LRFN5: variants seen among roughly 807,000 people sequenced by gnomAD.
LRFN5 encodes the protein leucine-rich repeat and fibronectin type-III domain-containing protein 5.
Under a neutral mutation model 45.6 loss-of-function variants are expected in LRFN5, and 24 were observed. The observed-to-expected ratio is 0.53, with a 90% confidence interval of 0.38 to 0.74. LRFN5 has a LOEUF of 0.74. LRFN5 is among the 30% of genes least tolerant of loss of function. LRFN5 has a pLI of 0.00. For missense variants in LRFN5, 776 were observed against 861.5 expected (o/e 0.90, Z 1.24); for synonymous variants, 340 against 313.8 (o/e 1.08, Z -0.88).
chr14:41,751,678 T>A (rs1462077231), intron 1 of LRFN5, among the ~76,000 whole-genome samples: 1 of 152,104 alleles, frequency 6.6e-6, no homozygotes, highest in East Asian at 1.9e-4. Flanking sequence ...CTTAAGTATC[T>A]TACTAAAGGC....
intron 1 of LRFN5, among the ~76,000 whole-genome samples, chr14:41,750,012 A>G (rs1885064337): frequency 6.6e-6 from 1 of 152,094 alleles, no homozygotes; most frequent in Non-Finnish European, 1.5e-5. Context: ...TGTCTCTCTA[A>G]CTTTCTTTTC....
At chr14:41,762,393 G>A (rs1349825259) in intron 1 of LRFN5, among the ~76,000 whole-genome samples, 1 of 152,092 alleles carries the variant, frequency 6.6e-6, no homozygotes, top group Non-Finnish European at 1.5e-5. Flanking sequence ...TTTGTCATAT[G>A]ATCTTGGATG....
At position 41,630,008 on chromosome 14, in the gene LRFN5, A is replaced by T. The variant is rs536929412; in HGVS notation, c.-197+21446A>T. On this transcript the variant is annotated intron_variant, in intron 1 of 5. Coordinates refer to ENST00000298119, the MANE Select transcript of LRFN5 (RefSeq NM_152447.5). Reference sequence around the variant, plus strand: ...ACTGATATCTTTGAGTATGGGATATATTTAGCTTCTTTCAATTTTTTTATC... The same window carrying T: ...ACTGATATCTTTGAGTATGGGATATTTTTAGCTTCTTTCAATTTTTTTATC... Among the ~76,000 whole-genome samples the T allele has an allele frequency of 1.2e-3, 183 of 152,200 alleles. 1 individual carries two copies. Among genetic ancestry groups the T allele is most frequent in the African/African-American group, 3.2e-3 (135 of 41,544 alleles).
At chr14:41,869,383 C>T (rs1407364978) in intron 2 of LRFN5, among the ~76,000 whole-genome samples, 1 of 151,622 alleles carries the variant, frequency 6.6e-6, no homozygotes, top group African/African-American at 2.4e-5. Context: ...TCTTACGTTT[C>T]CTAAATGTCA....
At chr14:41,728,845 G>T (rs902280975) in intron 1 of LRFN5, among the ~76,000 whole-genome samples, 1 of 152,114 alleles carries the variant, frequency 6.6e-6, no homozygotes, top group Non-Finnish European at 1.5e-5. Flanking sequence ...TAATTTTAAT[G>T]GCTCCATCAA....
intron 2 of LRFN5, among the ~76,000 whole-genome samples, chr14:41,815,806 G>A (rs1195114019): frequency 6.6e-6 from 1 of 151,970 alleles, no homozygotes; most frequent in Admixed American, 6.6e-5. Context: ...ATGTCTTGTA[G>A]ACAACACGTA....
chr14:41,779,765 C>T (rs73316922), intron 2 of LRFN5, among the ~76,000 whole-genome samples: 1 of 151,820 alleles, frequency 6.6e-6, no homozygotes. Flanking sequence ...TAGAGTTATT[C>T]ATAATATTAC....
intron 1 of LRFN5, among the ~76,000 whole-genome samples, chr14:41,766,209 T>C (rs1206698492): frequency 6.6e-6 from 1 of 152,172 alleles, no homozygotes; most frequent in African/African-American, 2.4e-5. Flanking sequence ...AGTAATCTTA[T>C]AGGAAAGAAA....
intron 2 of LRFN5, among the ~76,000 whole-genome samples, chr14:41,882,475 C>G (rs1890414309): frequency 6.6e-6 from 1 of 152,134 alleles, no homozygotes. Flanking sequence ...CCCATTCTTT[C>G]CAAGCTGAAA....
At chr14:41,649,227 T>C (rs1367220729) in intron 1 of LRFN5, among the ~76,000 whole-genome samples, 3 of 151,248 alleles carry the variant, frequency 2.0e-5, no homozygotes, top group Non-Finnish European at 4.4e-5. Flanking sequence ...AGAGCGAGAG[T>C]CTGTCTCCCC....
chr14:41,842,569 T>A (rs1486780417), intron 2 of LRFN5, among the ~76,000 whole-genome samples: 2 of 152,144 alleles, frequency 1.3e-5, no homozygotes, highest in African/African-American at 4.8e-5. Context: ...TATATGGGCT[T>A]ATATGGATTA....
intron 2 of LRFN5, among the ~76,000 whole-genome samples, chr14:41,769,102 A>G (rs1403254108): frequency 6.6e-6 from 1 of 152,096 alleles, no homozygotes; most frequent in South Asian, 2.1e-4. Flanking sequence ...ACAGAAAGTA[A>G]ACACGTTCCT....
chr14:41,686,281 G>A (rs1329479619), intron 1 of LRFN5, among the ~76,000 whole-genome samples: 5 of 151,706 alleles, frequency 3.3e-5, no homozygotes, highest in East Asian at 1.9e-4. Context: ...TATTGTTGGT[G>A]TAAAGGAATG....
chr14:41,815,619 C>T (rs914938998), intron 2 of LRFN5, among the ~76,000 whole-genome samples: 3 of 152,016 alleles, frequency 2.0e-5, no homozygotes, highest in Non-Finnish European at 4.4e-5. Context: ...ATGCCTGTGG[C>T]CCCAGCTACT....
At chr14:41,669,409 CA>C (rs1881058759) in intron 1 of LRFN5, among the ~76,000 whole-genome samples, 1 of 151,646 alleles carries the variant, frequency 6.6e-6, no homozygotes, top group Non-Finnish European at 1.5e-5. Flanking sequence ...TAAACCAATA[CA>C]AAAAAGACAG....
chr14:41,884,907 C>A (rs1890511473), intron 2 of LRFN5, among the ~76,000 whole-genome samples: 6 of 152,064 alleles, frequency 3.9e-5, no homozygotes, highest in Admixed American at 3.9e-4. Flanking sequence ...TTTTACCCTA[C>A]AAAAGGCATT....
At chr14:41,841,604 C>A (rs75460236) in intron 2 of LRFN5, among the ~76,000 whole-genome samples, 1 of 151,844 alleles carries the variant, frequency 6.6e-6, no homozygotes, top group African/African-American at 2.4e-5. Context: ...AATTTCTTGA[C>A]GAATCCTCTT....
intron 1 of LRFN5, among the ~76,000 whole-genome samples, chr14:41,692,528 T>C (rs1166170939): frequency 1.3e-5 from 2 of 152,120 alleles, no homozygotes; most frequent in African/African-American, 4.8e-5. Context: ...AACTCGTCAT[T>C]TACATTAGGT....
intron 1 of LRFN5, among the ~76,000 whole-genome samples, chr14:41,636,712 A>G (rs1342146841): frequency 6.6e-6 from 1 of 152,174 alleles, no homozygotes; most frequent in African/African-American, 2.4e-5. Flanking sequence ...CCTGATTCCA[A>G]TGAGACAGAA....
Sources: allele counts gnomAD v4.1 joint callset (sites outside exome capture counted in the v4.1 genomes callset), GRCh38; gene constraint gnomAD v4.1.1; transcripts MANE v1.5; gene names NCBI Gene and HGNC (gene_info 2026-07-23, HGNC 2026-07-21).